The following TAF4B variants were observed in gnomAD, a reference collection of about 807,000 sequenced individuals.
TAF4B encodes the protein TATA-box binding protein associated factor 4b, also known as transcription initiation factor TFIID subunit 4B.
Under a neutral mutation model 86.4 loss-of-function variants are expected in TAF4B, and 38 were observed. The ratio of observed to expected loss-of-function variants is 0.44; its 90% CI spans 0.34 to 0.58. TAF4B has a LOEUF of 0.58. Among genes scored for constraint, TAF4B ranks in the 20% least tolerant of loss-of-function variants. TAF4B has a pLI of 0.02. For synonymous variants in TAF4B, 388 were observed against 391.2 expected (o/e 0.99, Z 0.10); for missense variants, 988 against 1,027.6 (o/e 0.96, Z 0.53).
At chr18:26,311,007 A>G (rs551973395) in intron 9 of TAF4B, among the ~76,000 whole-genome samples, 9 of 152,086 alleles carry the variant, frequency 5.9e-5, no homozygotes, top group African/African-American at 2.2e-4. Flanking sequence ...TCATCAGTAC[A>G]TATTCACTGT....
intron 1 of TAF4B, among the ~76,000 whole-genome samples, chr18:26,238,836 G>A (rs186966203): frequency 1.8e-4 from 28 of 152,136 alleles, no homozygotes; most frequent in African/African-American, 6.3e-4. Flanking sequence ...TAGAACATGC[G>A]GTGTTTGGTT....
chr18:26,285,966 G>C lies in TAF4B; in HGVS notation c.1057G>C (p.Val353Leu). 1 of 1,614,148 alleles carries C rather than the reference G, an allele frequency of 6.2e-7. No individual in the cohort carries two copies. The highest frequency in any genetic ancestry group is 8.5e-7 in the Non-Finnish European group (1 of 1,180,022). Residue 353 changes from valine to leucine, a missense_variant, in exon 7 of 15, where the codon GTC becomes CTC. Val to Leu is a conservative substitution (Grantham distance 32). Coordinates refer to ENST00000269142, the MANE Select transcript of TAF4B (RefSeq NM_005640.3). Reference protein sequence around the residue: ...QCVQQTSSDMVIATCTTTVTT... With the variant: ...QCVQQTSSDMLIATCTTTVTT... Reference sequence around the variant, plus strand: ...TGTTCAGCAGACTTCTAGTGACATGGTCATTGCTACCTGTACTACAACAGT... The same window carrying C: ...TGTTCAGCAGACTTCTAGTGACATGCTCATTGCTACCTGTACTACAACAGT...
intron 14 of TAF4B, among the ~76,000 whole-genome samples, chr18:26,358,347 A>G (rs2057304551): frequency 6.6e-6 from 1 of 152,242 alleles, no homozygotes; most frequent in South Asian, 2.1e-4. Flanking sequence ...ATGTATACTC[A>G]ATAAATGACC....
In TAF4B at chr18:26,267,695, T is replaced by C; in HGVS notation, c.597+72T>C. ...AAAAAAATCATTTAGCTATCTCCTG[T>C]TAGATATGTAAGTTACTGTGTGACA... On this transcript the variant is annotated intron_variant, in intron 3 of 14. Transcript: ENST00000269142. The C allele has an allele frequency of 1.5e-5, 16 of 1,042,182 alleles. No homozygotes were observed. The South Asian group carries it at 2.1e-4, about 14-fold the overall frequency. 64.6% of individuals were successfully genotyped at this position (1,042,182 alleles called of 1,614,324 possible). A position where few individuals can be genotyped will look rare whatever the true frequency, so the allele number is the denominator to read the frequency against.
chr18:26,319,810 G>A (rs543067651), intron 10 of TAF4B, among the ~76,000 whole-genome samples: 38 of 152,126 alleles, frequency 2.5e-4, no homozygotes, highest in African/African-American at 8.4e-4. Context: ...GGCTGGTCTC[G>A]AACTCCTGAC....
At chr18:26,250,194 T>TA in intron 1 of TAF4B, among the ~76,000 whole-genome samples, 1 of 152,178 alleles carries the variant, frequency 6.6e-6, no homozygotes, top group East Asian at 1.9e-4. Flanking sequence ...CCACCAGGCT[T>TA]AGCTAATTAT....
At chr18:26,240,376 C>T (rs547187457) in intron 1 of TAF4B, among the ~76,000 whole-genome samples, 7 of 152,270 alleles carry the variant, frequency 4.6e-5, no homozygotes, top group African/African-American at 1.7e-4. Flanking sequence ...CAGGATTTGG[C>T]TCTCTGTTTG....
chr18:26,231,034 C>CTTTTTGTT (rs2055658042), intron 1 of TAF4B, among the ~76,000 whole-genome samples: 1 of 66,164 alleles, frequency 1.5e-5, no homozygotes, highest in African/African-American at 5.8e-5. Flanking sequence ...TGTTGTTTTG[C>CTTTTTGTT]TTTTTTTTTT....
At chr18:26,305,607 A>C (rs138097844) in intron 9 of TAF4B, among the ~76,000 whole-genome samples, 2 of 152,088 alleles carry the variant, frequency 1.3e-5, no homozygotes, top group South Asian at 4.2e-4. Context: ...GGGTTTCATC[A>C]TGTTGGCCAG....
intron 14 of TAF4B, among the ~76,000 whole-genome samples, chr18:26,376,871 A>T (rs1229984457): frequency 6.6e-6 from 1 of 151,826 alleles, no homozygotes; most frequent in African/African-American, 2.4e-5. Flanking sequence ...TGGTTTGTTT[A>T]GTCTTTTTAT....
intron 3 of TAF4B, among the ~76,000 whole-genome samples, chr18:26,273,443 G>GA (rs976632184): frequency 1.3e-5 from 2 of 151,832 alleles, no homozygotes; most frequent in African/African-American, 4.8e-5. Context: ...GTCTGCTGTT[G>GA]AAAAAAATAA....
chr18:26,353,752 T>C (rs2057263744), intron 13 of TAF4B, among the ~76,000 whole-genome samples: 1 of 152,236 alleles, frequency 6.6e-6, no homozygotes, highest in Non-Finnish European at 1.5e-5. Flanking sequence ...ATCAGTACAA[T>C]GAAGCAGGAA....
intron 1 of TAF4B, among the ~76,000 whole-genome samples, chr18:26,261,659 G>T (rs1444776739): frequency 2.6e-5 from 4 of 152,186 alleles, no homozygotes; most frequent in Non-Finnish European, 5.9e-5. Context: ...TCCACAGTCT[G>T]ATCCAATTAA....
At chr18:26,258,927 G>A (rs1000557244) in intron 1 of TAF4B, among the ~76,000 whole-genome samples, 12 of 150,526 alleles carry the variant, frequency 8.0e-5, no homozygotes, top group Non-Finnish European at 1.5e-4. Context: ...TCAAACTCTT[G>A]GACTTAAGCA....
chr18:26,327,430 A>G (rs542996298), intron 12 of TAF4B, among the ~76,000 whole-genome samples: 2 of 152,330 alleles, frequency 1.3e-5, no homozygotes, highest in South Asian at 2.1e-4. Flanking sequence ...TAGGAATCCA[A>G]TTTGATACAT....
intron 14 of TAF4B, among the ~76,000 whole-genome samples, chr18:26,360,767 A>G (rs1356650404): frequency 1.3e-5 from 2 of 152,188 alleles, no homozygotes; most frequent in African/African-American, 2.4e-5. Flanking sequence ...ACACAACTGT[A>G]TATCAAAAAT....
chr18:26,373,124 G>A (rs1407483382), intron 14 of TAF4B, among the ~76,000 whole-genome samples: 1 of 152,176 alleles, frequency 6.6e-6, no homozygotes, highest in Non-Finnish European at 1.5e-5. Flanking sequence ...TCCAAGGTAA[G>A]ACAACTTGTG....
chr18:26,313,376 C>T (rs1047223200), intron 9 of TAF4B, among the ~76,000 whole-genome samples: 2 of 152,028 alleles, frequency 1.3e-5, no homozygotes, highest in Non-Finnish European at 2.9e-5. Flanking sequence ...TTAATGCTTT[C>T]GATGTTTAAA....
At chr18:26,304,445 C>T (rs760864692) in intron 9 of TAF4B, among the ~76,000 whole-genome samples, 7 of 152,106 alleles carry the variant, frequency 4.6e-5, no homozygotes, top group Non-Finnish European at 8.8e-5. Flanking sequence ...TGAAAAAGAA[C>T]CAAATAGGAC....
Sources: allele counts gnomAD v4.1 joint callset (sites outside exome capture counted in the v4.1 genomes callset), GRCh38; gene constraint gnomAD v4.1.1; transcripts MANE v1.5; gene names NCBI Gene and HGNC (gene_info 2026-07-23, HGNC 2026-07-21).